Variants in DDX25 observed in about 807,000 individuals in gnomAD.
The protein encoded by DDX25 is DEAD-box helicase 25.
A neutral mutation model predicts 64.6 loss-of-function variants in DDX25; 70 were observed. That is an observed-to-expected ratio of 1.08 (90% CI 0.89 to 1.32). The LOEUF is 1.32. DDX25 is among the 40% of genes most tolerant of loss of function. The pLI is 0.00. For missense variants in DDX25, 587 were observed against 604.4 expected, an observed-to-expected ratio of 0.97 and a Z score of 0.30; for synonymous variants, 211 against 213.3, an observed-to-expected ratio of 0.99 and a Z score of 0.09.
chr11:125,913,458 T>A (rs779210361), intron 8 of DDX25, among the ~76,000 whole-genome samples: 15 of 152,186 alleles, frequency 9.9e-5, no homozygotes, highest in Non-Finnish European at 1.9e-4. Context: ...TGACTAATAG[T>A]TTGCCCGGAT....
chr11:125,904,797 TGAC>T (rs1944857572), intron 1 of DDX25: 1 of 602,020 alleles, frequency 1.7e-6, no homozygotes. Flanking sequence ...AGGGCAAAAA[TGAC>T]GACCCCTGGA....
At chr11:125,909,029 T>C (rs1460957607) in intron 6 of DDX25, among the ~76,000 whole-genome samples, 7 of 152,216 alleles carry the variant, frequency 4.6e-5, no homozygotes, top group Admixed American at 4.6e-4. Context: ...AGGAGGCTGA[T>C]GCTTGGAGAG....
intron 4 of DDX25, 66 bp from the exon 5 acceptor site, chr11:125,908,130 A>C: frequency 1.5e-6 from 2 of 1,292,852 alleles, no homozygotes; most frequent in Non-Finnish European, 2.1e-6. Context: ...TGCACCTTTC[A>C]GGTATGTATT....
At position 125,921,376 on chromosome 11, in the gene DDX25, T is replaced by A. The variant is rs1251081249; in HGVS notation, c.1387T>A (p.Phe463Ile). 1.2e-6 allele frequency: 2 copies of A among 1,613,112 alleles called. No homozygotes were observed. The highest frequency in any genetic ancestry group is 4.5e-5 in the East Asian group (2 of 44,864). ...CTCGCTCATGAAAATCCAGGACCACTTTAGTAAGTAGCACCACCCTCACAA... is the reference window on the plus strand; with the variant it reads ...CTCGCTCATGAAAATCCAGGACCACATTAGTAAGTAGCACCACCCTCACAA... ...LPSLMKIQDH[F>I]NSSIKQLNAE... Residue 463 changes from phenylalanine (F) to isoleucine (I), a missense_variant, in exon 11 of 12, where the codon TTT (phenylalanine) becomes ATT (isoleucine). Phe to Ile is a conservative substitution (Grantham distance 21). Transcript: ENST00000263576. The surrounding 1 kb of genome is among the most constrained non-coding windows in gnomAD (Gnocchi z 4.1).
intron 8 of DDX25, among the ~76,000 whole-genome samples, chr11:125,912,483 C>T (rs1488884852): frequency 2.0e-5 from 3 of 152,202 alleles, no homozygotes; most frequent in East Asian, 1.9e-4. Flanking sequence ...TGTGGATGTT[C>T]AAGTCCCTGA....
intron 10 of DDX25, chr11:125,920,916 A>G (rs1945102842): frequency 4.0e-6 from 1 of 247,288 alleles, no homozygotes. Flanking sequence ...CCACACACAC[A>G]CATACACACA....
chr11:125,915,794 A>G (rs1312763574), intron 8 of DDX25, among the ~76,000 whole-genome samples: 1 of 152,076 alleles, frequency 6.6e-6, no homozygotes, highest in Non-Finnish European at 1.5e-5. Flanking sequence ...GGTGGTTCTG[A>G]GGGAACAGTT....
Position 125,921,514 on chromosome 11 carries a change from C to A in DDX25, c.1390+135C>A. On this transcript the variant is annotated intron_variant, in intron 11 of 11. Transcript: ENST00000263576. This position sits in a 1 kb window ranked among gnomAD's most constrained non-coding sequence, Gnocchi z 4.1. ...TGCATGAGCTGGAAGGCTTCTAATT[C>A]ACAGGACCAGGGTTCTAATATGAGA... 1 of 957,422 alleles carries A rather than the reference C, an allele frequency of 1.0e-6. No individual in the cohort carries two copies. The highest frequency in any genetic ancestry group is 1.5e-6 in the Non-Finnish European group (1 of 662,930). 59.3% of individuals were successfully genotyped at this position (957,422 alleles called of 1,614,324 possible). A position where few individuals can be genotyped will look rare whatever the true frequency, so the allele number is the denominator to read the frequency against.
upstream of DDX25, chr11:125,904,313 C>A (rs1359404647): frequency 2.6e-6 from 1 of 392,062 alleles, no homozygotes; most frequent in Non-Finnish European, 4.4e-6. Context: ...CCGCCCCGCT[C>A]TCTGCCCCCC....
intron 7 of DDX25, among the ~76,000 whole-genome samples, chr11:125,910,941 G>T (rs1382232068): frequency 1.3e-5 from 2 of 149,144 alleles, no homozygotes; most frequent in African/African-American, 2.5e-5. Context: ...GCTCATACAT[G>T]CACATACAAA....
In DDX25 at chr11:125,921,354, G is replaced by T. The variant is rs377293759; in HGVS notation, c.1365G>T (p.Ser455=). The change falls in exon 11 of 12, where the codon TCG becomes TCT. Residue 455 remains serine (S), a synonymous_variant. Transcript: ENST00000263576. The surrounding 1 kb of genome is among the most constrained non-coding windows in gnomAD (Gnocchi z 4.1). Reference sequence around the variant, plus strand: ...TGATTGAAGTAGATGAGCTGCCCTCGCTCATGAAAATCCAGGACCACTTTA... The same window carrying T: ...TGATTGAAGTAGATGAGCTGCCCTCTCTCATGAAAATCCAGGACCACTTTA... The part of the protein sequence containing the change: ...FNMIEVDELP[S]LMKIQDHFNS... 1.5e-5 allele frequency: 25 copies of T among 1,613,638 alleles called. No individual in the cohort carries two copies. The highest frequency in any genetic ancestry group is 1.9e-5 in the Non-Finnish European group (23 of 1,179,842).
chr11:125,925,107 TA>T lies in DDX25; in HGVS notation c.*2227del, dbSNP rs1945155862. On this transcript the variant is annotated 3_prime_UTR_variant, in exon 12 of 12. Coordinates refer to ENST00000263576, the MANE Select transcript of DDX25 (RefSeq NM_013264.5). ...ACAGGATGAATGAGCATGAGAAGTG[TA>T]TCCAGATACTTTGTTCTCTTACTAT... 5.3e-6 allele frequency: 1 copy of T among 188,652 alleles called. No homozygotes were observed. The highest frequency in any genetic ancestry group is 2.3e-5 in the African/African-American group (1 of 42,738). 11.7% of individuals were successfully genotyped at this position (188,652 alleles called of 1,614,324 possible). A position where few individuals can be genotyped will look rare whatever the true frequency, so the allele number is the denominator to read the frequency against.
chr11:125,912,917 G>A (rs1944983906), intron 8 of DDX25, among the ~76,000 whole-genome samples: 1 of 152,024 alleles, frequency 6.6e-6, no homozygotes, highest in Admixed American at 6.6e-5. Flanking sequence ...CAGCACTTTG[G>A]GAGGCCGAGA....
At chr11:125,908,868 C>G (rs1944930331) in intron 6 of DDX25, among the ~76,000 whole-genome samples, 1 of 152,012 alleles carries the variant, frequency 6.6e-6, no homozygotes, top group Non-Finnish European at 1.5e-5. Flanking sequence ...GTAGAAACCA[C>G]TCATTAAACA....
chr11:125,925,073 T>C lies in DDX25; in HGVS notation c.*2192T>C, dbSNP rs1945155560. On this transcript the variant is annotated 3_prime_UTR_variant, in exon 12 of 12. Transcript: ENST00000263576. Reference sequence around the variant, plus strand: ...TTTCCATCCTAGTTTTGAACCCCAATTACATGGCACAGGATGAATGAGCAT... The same window carrying C: ...TTTCCATCCTAGTTTTGAACCCCAACTACATGGCACAGGATGAATGAGCAT... The C allele has an allele frequency of 6.3e-6, 1 of 158,606 alleles. No homozygotes were observed. The highest frequency in any genetic ancestry group is 2.4e-5 in the African/African-American group (1 of 41,570). 9.8% of individuals were successfully genotyped at this position (158,606 alleles called of 1,614,324 possible). A position where few individuals can be genotyped will look rare whatever the true frequency, so the allele number is the denominator to read the frequency against.
In DDX25 at chr11:125,910,477, A is replaced by T. The variant is rs776047420; in HGVS notation, c.621A>T (p.Arg207=). The T allele has an allele frequency of 1.4e-4, 226 of 1,613,698 alleles. No homozygotes were observed. The highest frequency in any genetic ancestry group is 1.7e-4 in the Non-Finnish European group (201 of 1,179,748). The change falls in exon 7 of 12, where the codon CGA becomes CGT. Residue 207 remains arginine (R), a splice_region_variant and synonymous_variant. Coordinates refer to ENST00000263576, the MANE Select transcript of DDX25 (RefSeq NM_013264.5). ...VQVMYAIRGN[R]IPRGTDITKQ... ...TGATGTATGCCATTCGAGGGAATCG[A>T]AGTATGTACCAGTAAGCCAGTCCTG...
intron 6 of DDX25, among the ~76,000 whole-genome samples, chr11:125,909,305 TA>T (rs1397932862): frequency 1.3e-5 from 2 of 152,226 alleles, no homozygotes; most frequent in Admixed American, 6.5e-5. Flanking sequence ...CAGTGAAATT[TA>T]TGTTTAGGGT....
chr11:125,917,255 C>T lies in DDX25; in HGVS notation c.1038+4C>T. 9 of 1,595,140 alleles carry T rather than the reference C, an allele frequency of 5.6e-6. No individual in the cohort carries two copies. The highest frequency in any genetic ancestry group is 1.3e-5 in the African/African-American group (1 of 74,786). On this transcript the variant is annotated splice_donor_region_variant and intron_variant, in intron 9 of 11. Coordinates refer to ENST00000263576, the MANE Select transcript of DDX25 (RefSeq NM_013264.5). ...TCAGGCCATCATCTTCTGCCAGGTACACTCTGTGGATGTGTCTTCATCGAG... is the reference window on the plus strand; with the variant it reads ...TCAGGCCATCATCTTCTGCCAGGTATACTCTGTGGATGTGTCTTCATCGAG...
chr11:125,916,969 T>G (rs1190526122), intron 8 of DDX25, 45 bp from the exon 9 acceptor site: 2 of 1,535,094 alleles, frequency 1.3e-6, no homozygotes, highest in East Asian at 2.4e-5. Context: ...TGAAGAAGAG[T>G]GATGGGATGG....
Sources: gnomAD v4.1 joint callset for allele counts (sites outside exome capture counted in the v4.1 genomes callset) on GRCh38, gnomAD v4.1.1 for gene constraint, Gnocchi (gnomAD v3.1) non-coding constraint, MANE v1.5 for transcripts, NCBI Gene and HGNC (gene_info 2026-07-23, HGNC 2026-07-21) for gene names.